The following AGBL4 variants were observed in gnomAD, a reference collection of about 807,000 sequenced individuals.
AGBL4 encodes cytosolic carboxypeptidase 6.
Under a neutral mutation model 66.4 loss-of-function variants are expected in AGBL4, and 58 were observed. The ratio of observed to expected loss-of-function variants is 0.87; its 90% confidence interval spans 0.71 to 1.09. The LOEUF (loss-of-function observed/expected upper bound fraction) is 1.09. Ranked by LOEUF, AGBL4 falls within the 50% of genes least tolerant of loss-of-function variation. The pLI, the probability that AGBL4 is intolerant of heterozygous loss-of-function variation, is 0.00. For synonymous variants in AGBL4, 234 were observed against 222.9 expected (o/e 1.05, Z -0.44); for missense variants, 579 against 631.0 (o/e 0.92, Z 0.88).
intron 3 of AGBL4, among the ~76,000 whole-genome samples, chr1:49,659,781 T>C (rs1028739436): frequency 6.6e-6 from 1 of 152,142 alleles, no homozygotes; most frequent in African/African-American, 2.4e-5. Flanking sequence ...GATAGATATA[T>C]ACAGAACTTG....
intron 5 of AGBL4, among the ~76,000 whole-genome samples, chr1:48,998,049 G>T (rs1464749728): frequency 6.6e-6 from 1 of 152,190 alleles, no homozygotes; most frequent in African/African-American, 2.4e-5. Flanking sequence ...GGTAGTCAGA[G>T]AAAGATTGAA....
intron 5 of AGBL4, among the ~76,000 whole-genome samples, chr1:48,980,597 G>C (rs938386536): frequency 2.0e-5 from 3 of 151,492 alleles, no homozygotes; most frequent in African/African-American, 7.3e-5. Flanking sequence ...CTACTTGGGA[G>C]GGTGAGGCAG....
intron 6 of AGBL4, among the ~76,000 whole-genome samples, chr1:48,807,924 G>A (rs1366388794): frequency 2.6e-5 from 4 of 152,084 alleles, no homozygotes. Flanking sequence ...ATCTCCTCTG[G>A]ACACAGAAAA....
At chr1:49,281,240 C>T (rs1395358316) in intron 3 of AGBL4, among the ~76,000 whole-genome samples, 1 of 152,106 alleles carries the variant, frequency 6.6e-6, no homozygotes, top group Non-Finnish European at 1.5e-5. Context: ...AATGATGATG[C>T]CACATATGCA....
chr1:48,522,566 T>C, the AGBL4 span, among the ~76,000 whole-genome samples: 1 of 152,186 alleles, frequency 6.6e-6, no homozygotes, highest in Non-Finnish European at 1.5e-5. Context: ...GCAGCTCAAG[T>C]GTGCTCCATG....
chr1:48,827,193 T>C (rs1441769843), intron 6 of AGBL4, among the ~76,000 whole-genome samples: 1 of 152,218 alleles, frequency 6.6e-6, no homozygotes, highest in African/African-American at 2.4e-5. Context: ...ATTTGAATTT[T>C]AGTTGGTTGC....
At chr1:48,952,242 G>A (rs909305334) in intron 5 of AGBL4, among the ~76,000 whole-genome samples, 3 of 152,136 alleles carry the variant, frequency 2.0e-5, no homozygotes, top group African/African-American at 7.2e-5. Flanking sequence ...CATATTAATT[G>A]AGCTTTTACC....
chr1:49,187,670 G>C (rs1410270154), intron 4 of AGBL4: 2 of 152,126 alleles, frequency 1.3e-5, no homozygotes, highest in Non-Finnish European at 2.9e-5. Context: ...TCAGAATAAA[G>C]TCAAAATCAT....
intron 11 of AGBL4, among the ~76,000 whole-genome samples, chr1:48,570,432 A>G (rs939840786): frequency 2.6e-5 from 4 of 152,160 alleles, no homozygotes; most frequent in African/African-American, 9.7e-5. Flanking sequence ...GGCAGTCTGG[A>G]TGTGAGGACA....
At chr1:49,656,328 G>C (rs1204241434) in intron 3 of AGBL4, among the ~76,000 whole-genome samples, 1 of 152,050 alleles carries the variant, frequency 6.6e-6, no homozygotes, top group African/African-American at 2.4e-5. Flanking sequence ...TCTCTTAAAA[G>C]ACCAATAACA....
chr1:49,404,486 G>A (rs1645154419), intron 3 of AGBL4, among the ~76,000 whole-genome samples: 1 of 152,160 alleles, frequency 6.6e-6, no homozygotes, highest in South Asian at 2.1e-4. Flanking sequence ...AGCAGCCAGA[G>A]CAGACAGATA....
intron 3 of AGBL4, among the ~76,000 whole-genome samples, chr1:49,360,732 T>C (rs1191990729): frequency 6.6e-6 from 1 of 152,156 alleles, no homozygotes; most frequent in Admixed American, 6.5e-5. Context: ...TGAACATAGG[T>C]ATTATTTTTA....
chr1:48,658,842 CATGT>C (rs1398641337), intron 7 of AGBL4, among the ~76,000 whole-genome samples: 3 of 93,284 alleles, frequency 3.2e-5, no homozygotes, highest in Admixed American at 1.0e-4. Flanking sequence ...ATGGTGTGTG[CATGT>C]GTGTGTGTGT....
chr1:49,680,049 C>CTT (rs61150148), intron 3 of AGBL4, among the ~76,000 whole-genome samples: 7,360 of 117,942 alleles, frequency 0.062, 416 homozygotes, highest in East Asian at 0.11. Flanking sequence ...TTCTTCTTCC[C>CTT]TTTTTTTTTT....
At chr1:48,581,211 G>A (rs973299564) in intron 11 of AGBL4, among the ~76,000 whole-genome samples, 13 of 152,114 alleles carry the variant, frequency 8.5e-5, no homozygotes, top group East Asian at 1.9e-4. Context: ...GTAAATAAAC[G>A]ATAGCTTCAA....
chr1:49,694,154 T>G lies in AGBL4; in HGVS notation c.282+3159A>C, dbSNP rs866413840. Among the ~76,000 whole-genome samples, 4 of 152,172 alleles carry G rather than the reference T, an allele frequency of 2.6e-5. No individual in the cohort carries two copies. In the South Asian group the frequency reaches 8.3e-4, roughly 31 times the overall value. On this transcript the variant is annotated intron_variant, in intron 3 of 13. Transcript: ENST00000371839. ...AATGACTAATACATACATGTTTTTT[T>G]GCCTGCTAGTAGTACCAAGACCTAA...
At chr1:49,877,994 T>A (rs1647074606) in intron 1 of AGBL4, among the ~76,000 whole-genome samples, 1 of 152,094 alleles carries the variant, frequency 6.6e-6, no homozygotes, top group South Asian at 2.1e-4. Context: ...TTCTATGGGA[T>A]CGGTGGTGAT....
intron 3 of AGBL4, among the ~76,000 whole-genome samples, chr1:49,259,918 C>T (rs1357212357): frequency 6.7e-6 from 1 of 149,830 alleles, no homozygotes; most frequent in Non-Finnish European, 1.5e-5. Context: ...TAAAGCTCTC[C>T]TCAGCAAATG....
At chr1:48,603,268 G>A (rs573242354) in intron 9 of AGBL4, among the ~76,000 whole-genome samples, 2 of 152,108 alleles carry the variant, frequency 1.3e-5, no homozygotes, top group South Asian at 2.1e-4. Flanking sequence ...TCAGGAGGTC[G>A]AGACAATCCT....
Sources: gnomAD v4.1 joint callset for allele counts (sites outside exome capture counted in the v4.1 genomes callset) on GRCh38, gnomAD v4.1.1 for gene constraint, MANE v1.5 for transcripts, NCBI Gene and HGNC (gene_info 2026-07-23, HGNC 2026-07-21) for gene names.